ATL3: variants seen among roughly 807,000 people sequenced by gnomAD.
The protein encoded by ATL3 is atlastin-3.
In ATL3, 49 loss-of-function variants were observed where a neutral mutation model predicts 69.5. The observed-to-expected ratio is 0.71, with a 90% CI of 0.56 to 0.89. ATL3 has a LOEUF of 0.89. Ranked by LOEUF, ATL3 falls within the 40% of genes least tolerant of loss-of-function variation. ATL3 has a pLI of 0.00. For synonymous variants in ATL3, 214 were observed against 224.1 expected (o/e 0.95, Z 0.40); for missense variants, 606 against 645.7 (o/e 0.94, Z 0.67).
chr11:63,637,031 C>A (rs1240130448), intron 8 of ATL3, among the ~76,000 whole-genome samples: 1 of 152,182 alleles, frequency 6.6e-6, no homozygotes, highest in African/African-American at 2.4e-5. Context: ...GTAATCCCAG[C>A]ACTTTGGGAG....
At chr11:63,655,104 T>G (rs978260747) in intron 3 of ATL3, among the ~76,000 whole-genome samples, 1 of 152,162 alleles carries the variant, frequency 6.6e-6, no homozygotes, top group Admixed American at 6.5e-5. Flanking sequence ...TATTCTGAGA[T>G]GTAGTTAAGT....
chr11:63,652,548 C>T lies in ATL3; in HGVS notation c.433G>A (p.Gly145Arg). The T allele has an allele frequency of 6.2e-7, 1 of 1,610,962 alleles. No individual in the cohort carries two copies. Among genetic ancestry groups the T allele is most frequent in the Non-Finnish European group, 8.5e-7 (1 of 1,178,004 alleles). ...ACAGTTGACTGGCTGTCAAATGCCC[C>T]CTGGGTATCCATCAGAACAACTGCA... is the stretch of plus-strand genomic sequence containing the variant. Reference protein sequence around the residue: ...KVAVVLMDTQGAFDSQSTVKD... With the variant: ...KVAVVLMDTQRAFDSQSTVKD... The change falls in exon 4 of 13, where the codon GGG becomes AGG. Residue 145 changes from glycine to arginine, a missense_variant. By Grantham distance (125) the Gly-to-Arg change is moderately radical. Coordinates refer to ENST00000398868, the MANE Select transcript of ATL3 (RefSeq NM_015459.5).
intron 12 of ATL3, 126 bp downstream of exon 12, chr11:63,630,914 C>G: frequency 1.3e-6 from 1 of 768,492 alleles, no homozygotes; most frequent in East Asian, 2.6e-5. Flanking sequence ...CAGAAAACAA[C>G]AGCCAACGGA....
chr11:63,642,489 A>C (rs1006215883), intron 8 of ATL3, among the ~76,000 whole-genome samples: 1 of 152,224 alleles, frequency 6.6e-6, no homozygotes, highest in African/African-American at 2.4e-5. Context: ...TAAACAGTAC[A>C]TATCCTCTAA....
At chr11:63,642,743 G>C (rs1476653704) in intron 8 of ATL3, among the ~76,000 whole-genome samples, 1 of 152,196 alleles carries the variant, frequency 6.6e-6, no homozygotes, top group African/African-American at 2.4e-5. Flanking sequence ...ACCTAGCATA[G>C]TGTTGCAAAC....
chr11:63,656,202 C>A (rs1364137402), intron 3 of ATL3, among the ~76,000 whole-genome samples: 2 of 148,282 alleles, frequency 1.3e-5, no homozygotes, highest in Admixed American at 1.4e-4. Context: ...CCAGCCTGGG[C>A]GACACAGTGA....
chr11:63,671,402 G>A (rs1427389821), upstream of ATL3: 2 of 1,527,024 alleles, frequency 1.3e-6, no homozygotes, highest in Admixed American at 2.3e-5. Context: ...GGGCGGGAAC[G>A]AACCGGGCCC....
In ATL3 at chr11:63,631,208, G is replaced by A. The variant is rs773330617; in HGVS notation, c.1371C>T (p.Ala457=). ...GACCTATGAAGCCAGTGAGGCCTGA[G>A]GCTATGTACAAAGCTACAATGCCCG... ...LFTGIVALYI[A]SGLTGFIGLE... The change falls in exon 12 of 13, where the codon GCC becomes GCT. Residue 457 remains alanine (A), a synonymous_variant. Coordinates refer to ENST00000398868, the MANE Select transcript of ATL3 (RefSeq NM_015459.5). 37 of 1,614,102 alleles carry A rather than the reference G, an allele frequency of 2.3e-5. No homozygotes were observed. The highest frequency in any genetic ancestry group is 2.2e-4 in the East Asian group (10 of 44,904).
chr11:63,646,021 C>T (rs1223161421), intron 6 of ATL3, among the ~76,000 whole-genome samples: 1 of 151,792 alleles, frequency 6.6e-6, no homozygotes. Context: ...GCTTTGGCCT[C>T]CCAAAGTGCT....
intron 1 of ATL3, among the ~76,000 whole-genome samples, chr11:63,662,524 G>A (rs1178158926): frequency 1.3e-5 from 2 of 152,196 alleles, no homozygotes; most frequent in African/African-American, 4.8e-5. Context: ...CTATAACTCA[G>A]GCTGGAGTGC....
chr11:63,646,488 T>A lies in ATL3; in HGVS notation c.618+19A>T. On this transcript the variant is annotated intron_variant, in intron 6 of 12. Coordinates refer to ENST00000398868, the MANE Select transcript of ATL3 (RefSeq NM_015459.5). ...ACAAAAACAAAGGTATGAATTATATTTAAAATAAATATTCTAACCTGGAAA... is the reference window on the plus strand; with the variant it reads ...ACAAAAACAAAGGTATGAATTATATATAAAATAAATATTCTAACCTGGAAA... 1 of 1,281,248 alleles carries A rather than the reference T, an allele frequency of 7.8e-7. No individual in the cohort carries two copies. Among genetic ancestry groups the A allele is most frequent in the South Asian group, 1.3e-5 (1 of 77,972 alleles). 79.4% of individuals were successfully genotyped at this position (1,281,248 alleles called of 1,614,324 possible).
intron 11 of ATL3, 127 bp from the exon 12 acceptor site, chr11:63,631,598 T>C: frequency 1.1e-6 from 1 of 874,360 alleles, no homozygotes; most frequent in African/African-American, 1.7e-5. Context: ...AAGTTAACTT[T>C]TAAAAGATGA....
At position 63,653,157 on chromosome 11, in the gene ATL3, C is replaced by A. The variant is rs543011700; in HGVS notation, c.406-582G>T. ...ACCAGCCTGGCCAACACGGTGAAATCGTGTCTCTACCAAAAATACAAAAAT... is the reference window on the plus strand; with the variant it reads ...ACCAGCCTGGCCAACACGGTGAAATAGTGTCTCTACCAAAAATACAAAAAT... On this transcript the variant is annotated intron_variant, in intron 3 of 12. Transcript: ENST00000398868. Among the ~76,000 whole-genome samples, 35 of 151,844 alleles carry A rather than the reference C, an allele frequency of 2.3e-4. No individual in the cohort carries two copies. The South Asian group carries it at 6.9e-3, about 30-fold the overall frequency.
chr11:63,670,666 A>G (rs1054129232), intron 1 of ATL3, among the ~76,000 whole-genome samples: 1 of 152,258 alleles, frequency 6.6e-6, no homozygotes, highest in African/African-American at 2.4e-5. Flanking sequence ...ACGAAAAACC[A>G]ATTTAGACCA....
intron 8 of ATL3, among the ~76,000 whole-genome samples, chr11:63,640,087 C>A (rs1189833274): frequency 6.6e-6 from 1 of 152,032 alleles, no homozygotes; most frequent in African/African-American, 2.4e-5. Flanking sequence ...TGTCACCATG[C>A]CCAGCTAATT....
intron 11 of ATL3, 180 bp downstream of exon 11, chr11:63,632,846 A>ACAAAAC (rs1565268641): frequency 1.4e-6 from 1 of 728,284 alleles, no homozygotes; most frequent in Non-Finnish European, 2.3e-6. Flanking sequence ...CAAAACAAGA[A>ACAAAAC]CAAACAAACA....
rs1377139066 is a variant in ATL3 at position 63,632,075 on chromosome 11, C to T, written c.1108-604G>A. On this transcript the variant is annotated intron_variant, in intron 11 of 12. Transcript: ENST00000398868. ...GAGGGTCCTCAGGGTTCTTTGGGAC[C>T]CGAGGATTCCTGAAATCATGGATCA... Among the ~76,000 whole-genome samples, 4 of 152,128 alleles carry T rather than the reference C, an allele frequency of 2.6e-5. No homozygotes were observed. The East Asian group carries it at 7.7e-4, about 29-fold the overall frequency.
intron 12 of ATL3, 111 bp downstream of exon 12, chr11:63,630,929 C>A: frequency 1.0e-6 from 1 of 991,666 alleles, no homozygotes; most frequent in South Asian, 1.7e-5. Context: ...AACGGAGTGG[C>A]CACTGTCTCA....
At chr11:63,644,337 G>T in intron 6 of ATL3, 76 bp from the exon 7 acceptor site, 2 of 821,646 alleles carry the variant, frequency 2.4e-6, no homozygotes, top group South Asian at 1.5e-5. Flanking sequence ...ATACATCTTT[G>T]CATAATGCCA....
Sources: gnomAD v4.1 joint callset for allele counts (sites outside exome capture counted in the v4.1 genomes callset) on GRCh38, gnomAD v4.1.1 for gene constraint, MANE v1.5 for transcripts, NCBI Gene and HGNC (gene_info 2026-07-23, HGNC 2026-07-21) for gene names.